PCDHGB5: variants seen among roughly 807,000 people sequenced by gnomAD.
PCDHGB5 encodes the protein protocadherin gamma subfamily B, 5, also known as protocadherin gamma-B5.
Under a neutral mutation model 62.9 loss-of-function variants are expected in PCDHGB5, and 48 were observed. The observed-to-expected ratio is 0.76, with a 90% CI of 0.61 to 0.97. The LOEUF (loss-of-function observed/expected upper bound fraction) is 0.97, where lower values mean the gene tolerates loss of function less well. PCDHGB5 is among the 50% of genes least tolerant of loss of function. PCDHGB5 has a pLI of 0.00. For missense variants in PCDHGB5, 1,118 were observed against 1,198.6 expected (o/e 0.93, Z 0.99); for synonymous variants, 474 against 511.2 (o/e 0.93, Z 0.98).
At chr5:141,413,812 C>T in intron 1 of PCDHGB5, 2 of 1,613,144 alleles carry the variant, frequency 1.2e-6, no homozygotes, top group Non-Finnish European at 1.7e-6. Flanking sequence ...GGCCATTCAC[C>T]ACCTGGTCCT....
chr5:141,412,923 G>A, intron 1 of PCDHGB5: 1 of 420,946 alleles, frequency 2.4e-6, no homozygotes, highest in East Asian at 3.6e-5. Flanking sequence ...CTTGGGTGCA[G>A]TAACTTCTTA....
rs200533514 is a variant in PCDHGB5 at position 141,476,315 on chromosome 5, C to T, written c.2398-18492C>T. On this transcript the variant is annotated intron_variant, in intron 1 of 3. Transcript: ENST00000617380. This position sits in a 1 kb window ranked among gnomAD's most constrained non-coding sequence, Gnocchi z 7.6. The stretch of plus-strand genomic sequence containing the variant: ...CGGTAGCCTCTCAGCCCGCAGGTTC[C>T]GGGTGGTGTCTGGAGCTAGCCGAAG... 264 of 1,613,910 alleles carry T rather than the reference C, an allele frequency of 1.6e-4. No homozygotes were observed. The highest frequency in any genetic ancestry group is 2.1e-4 in the Non-Finnish European group (248 of 1,180,024).
At chr5:141,449,537 C>A (rs1377909573) in intron 1 of PCDHGB5, among the ~76,000 whole-genome samples, 1 of 146,334 alleles carries the variant, frequency 6.8e-6, no homozygotes, top group Non-Finnish European at 1.5e-5. Flanking sequence ...TGCAGTGAGC[C>A]GAGATCGCAC....
intron 1 of PCDHGB5, chr5:141,422,645 T>C: frequency 6.2e-7 from 1 of 1,612,232 alleles, no homozygotes; most frequent in Non-Finnish European, 8.5e-7. Flanking sequence ...GCCTCCATCT[T>C]CTCAGTGACC....
rs759756007 is a variant in PCDHGB5 at position 141,476,248 on chromosome 5, T to C, written c.2398-18559T>C. 2 of 1,613,856 alleles carry C rather than the reference T, an allele frequency of 1.2e-6. No individual in the cohort carries two copies. Among genetic ancestry groups the C allele is most frequent in the South Asian group, 2.2e-5 (2 of 91,050 alleles). On this transcript the variant is annotated intron_variant, in intron 1 of 3. Transcript: ENST00000617380. The surrounding 1 kb of genome is among the most constrained non-coding windows in gnomAD (Gnocchi z 7.6). The stretch of plus-strand genomic sequence containing the variant: ...AGATCCCGGAGGAAAGAGAGAAGGG[T>C]TTCGCTGTGGGCAACGTGGTCGCGA...
chr5:141,423,234 C>T, intron 1 of PCDHGB5: 1 of 1,613,918 alleles, frequency 6.2e-7, no homozygotes, highest in South Asian at 1.1e-5. Context: ...CCGACAGCAT[C>T]CCCGAAGTCC....
chr5:141,509,699 C>T (rs779592471), intron 3 of PCDHGB5, among the ~76,000 whole-genome samples: 4 of 152,168 alleles, frequency 2.6e-5, no homozygotes, highest in Non-Finnish European at 5.9e-5. Flanking sequence ...GGACGTTGGA[C>T]TGGAGGTGCT....
intron 2 of PCDHGB5, among the ~76,000 whole-genome samples, chr5:141,500,023 G>C (rs1393994881): frequency 1.3e-5 from 2 of 151,754 alleles, no homozygotes; most frequent in Admixed American, 6.6e-5. Flanking sequence ...TTTTATATTT[G>C]AGTGAGTGTC....
intron 1 of PCDHGB5, chr5:141,478,565 T>C (rs772519746): frequency 1.6e-5 from 25 of 1,593,862 alleles, no homozygotes; most frequent in Non-Finnish European, 2.0e-5. Flanking sequence ...TAGCAAGTCA[T>C]GCTTGACCCT....
chr5:141,407,497 G>GTTTTTTTTTTTTTTTTTTTTTTTTTT (rs1554102286), intron 1 of PCDHGB5, among the ~76,000 whole-genome samples: 1 of 152,086 alleles, frequency 6.6e-6, no homozygotes, highest in African/African-American at 2.4e-5. Context: ...CTTTATTTCT[G>GTTTTTTTTTTTTTTTTTTTTTTTTTT]TTTTTCTTAG....
At chr5:141,412,527 A>G (rs1017506409) in intron 1 of PCDHGB5, 3 of 152,186 alleles carry the variant, frequency 2.0e-5, no homozygotes, top group Admixed American at 1.3e-4. Context: ...AGTAGTTACA[A>G]TTATAAAGCT....
At chr5:141,428,532 C>T (rs1561836699) in intron 1 of PCDHGB5, 7 of 277,518 alleles carry the variant, frequency 2.5e-5, no homozygotes, top group Non-Finnish European at 5.0e-5. Context: ...TTAATTTTCT[C>T]ACCATGACAC....
intron 2 of PCDHGB5, among the ~76,000 whole-genome samples, 177 bp from the exon 3 acceptor site, chr5:141,505,216 T>C (rs547855353): frequency 1.1e-4 from 17 of 152,234 alleles, no homozygotes; most frequent in Non-Finnish European, 2.9e-5. Context: ...AGGGACTGAC[T>C]TGTGGGATTC....
At chr5:141,402,469 A>G (rs2094270515) in intron 1 of PCDHGB5, among the ~76,000 whole-genome samples, 1 of 152,224 alleles carries the variant, frequency 6.6e-6, no homozygotes. Context: ...ATCTAGAAAT[A>G]GAGTGCAAAG....
At chr5:141,507,349 A>G (rs537480798) in intron 3 of PCDHGB5, 1 of 152,236 alleles carries the variant, frequency 6.6e-6, no homozygotes, top group African/African-American at 2.4e-5. Flanking sequence ...CTGAAATTCA[A>G]ATTTAACTGG....
At chr5:141,422,009 G>C (rs1483710075) in intron 1 of PCDHGB5, 1 of 1,609,752 alleles carries the variant, frequency 6.2e-7, no homozygotes, top group Non-Finnish European at 8.5e-7. Flanking sequence ...TCCGGAACTC[G>C]GGTGCTGATG....
At chr5:141,415,853 G>C (rs2154546169) in intron 1 of PCDHGB5, 1 of 1,186,350 alleles carries the variant, frequency 8.4e-7, no homozygotes, top group Admixed American at 4.0e-5. Context: ...GCAGAACCTT[G>C]TAGTTTATAG....
intron 1 of PCDHGB5, chr5:141,478,694 T>G: frequency 1.3e-6 from 2 of 1,550,598 alleles, no homozygotes; most frequent in Non-Finnish European, 1.7e-6. Context: ...TAGATCAAAG[T>G]TAGTGCCTTT....
At chr5:141,435,858 A>C (rs138728159) in intron 1 of PCDHGB5, among the ~76,000 whole-genome samples, 1 of 152,304 alleles carries the variant, frequency 6.6e-6, no homozygotes, top group East Asian at 1.9e-4. Context: ...TACAATAGTT[A>C]AAACCCAGAA....
Sources: gnomAD v4.1 joint callset for allele counts (sites outside exome capture counted in the v4.1 genomes callset) on GRCh38, gnomAD v4.1.1 for gene constraint, Gnocchi (gnomAD v3.1) non-coding constraint, MANE v1.5 for transcripts, NCBI Gene and HGNC (gene_info 2026-07-23, HGNC 2026-07-21) for gene names.